SRCAP: variants seen among roughly 807,000 people sequenced by gnomAD.
SRCAP encodes Snf2 related CREBBP activator protein, also known as chromatin remodeling protein SRCAP.
Under a neutral mutation model 263.1 loss-of-function variants are expected in SRCAP, and 46 were observed. That is an observed-to-expected ratio of 0.17 (90% CI 0.14 to 0.22). The LOEUF (loss-of-function observed/expected upper bound fraction) is 0.22, where lower values mean the gene tolerates loss of function less well. SRCAP is among the 10% of genes least tolerant of loss of function. SRCAP has a pLI of 1.00. For synonymous variants in SRCAP, 1,813 were observed against 1,662.1 expected, an observed-to-expected ratio of 1.09 and a Z score of -2.21; for missense variants, 3,695 against 4,181.9, an observed-to-expected ratio of 0.88 and a Z score of 3.21.
chr16:30,712,775 C>G lies in SRCAP; in HGVS notation c.2090C>G (p.Thr697Ser). 1.2e-6 allele frequency: 2 copies of G among 1,614,142 alleles called. No individual in the cohort carries two copies. Among genetic ancestry groups the G allele is most frequent in the African/African-American group, 1.3e-5 (1 of 75,030 alleles). Residue 697 changes from threonine to serine, a missense_variant, in exon 14 of 34, where the codon ACT (threonine) becomes AGT (serine). Physicochemically the swap from Thr to Ser is moderately conservative, Grantham distance 58. This residue lies in a region of SRCAP where 121 missense variants were observed against 330.7 expected (regional missense o/e 0.37). Coordinates refer to ENST00000262518, the MANE Select transcript of SRCAP (RefSeq NM_006662.3). ...KRWCPSFKIL[T>S]YYGAQKERKL... ...TGGTGCCCCAGCTTTAAAATCCTCA[C>G]TTACTATGGAGCCCAGAAAGAGAGG...
chr16:30,725,303 G>A, intron 25 of SRCAP: 1 of 906,150 alleles, frequency 1.1e-6, no homozygotes, highest in Non-Finnish European at 1.5e-6. Context: ...TTACAGGGGT[G>A]AGCCACCACG....
chr16:30,709,970 C>T lies in SRCAP; in HGVS notation c.976C>T (p.Arg326Cys), dbSNP rs1274521648. The change falls in exon 8 of 34, where the codon CGT becomes TGT. Residue 326 changes from arginine to cysteine, a missense_variant. Transcript: ENST00000262518. ...AQRREIELLR[R>C]EGELPLEELL... The stretch of plus-strand genomic sequence containing the variant: ...GAGGCGTGAGATTGAGCTGCTTCGC[C>T]GTGAGGGAGAATTGCCACTGGAAGA... The T allele has an allele frequency of 1.9e-6, 3 of 1,614,032 alleles. No individual in the cohort carries two copies. The highest frequency in any genetic ancestry group is 2.7e-5 in the African/African-American group (2 of 74,896).
Position 30,733,843 on chromosome 16 carries a change from G to A in SRCAP, c.6494+45G>A. ...CACCTTACTTTCCGTTTACTGATGG[G>A]GTTTCCTGGATATATTTGGCTGCTT... On this transcript the variant is annotated intron_variant, in intron 29 of 33. Coordinates refer to ENST00000262518, the MANE Select transcript of SRCAP (RefSeq NM_006662.3). This position sits in a 1 kb window ranked among gnomAD's most constrained non-coding sequence, Gnocchi z 5.3. The A allele has an allele frequency of 6.2e-7, 1 of 1,612,122 alleles. No individual in the cohort carries two copies. Among genetic ancestry groups the A allele is most frequent in the Non-Finnish European group, 8.5e-7 (1 of 1,178,638 alleles).
At chr16:30,704,912 A>G (rs1234023042) in intron 4 of SRCAP, among the ~76,000 whole-genome samples, 1 of 152,182 alleles carries the variant, frequency 6.6e-6, no homozygotes, top group Non-Finnish European at 1.5e-5. Flanking sequence ...ACTGGTTTCT[A>G]TTTATTTCTA....
chr16:30,738,266 A>T lies in SRCAP; in HGVS notation c.8226A>T (p.Pro2742=), dbSNP rs146844239. 1 of 1,609,976 alleles carries T rather than the reference A, an allele frequency of 6.2e-7. No individual in the cohort carries two copies. The highest frequency in any genetic ancestry group is 8.5e-7 in the Non-Finnish European group (1 of 1,177,422). The part of the protein sequence containing the change: ...GQGTGRPGQP[P]GPKVLRKLPG... ...GGACTGGTCGGCCAGGACAACCACC[A>T]GGCCCCAAAGTGCTTCGAAAGCTGC... Residue 2742 remains proline (P), a synonymous_variant, in exon 34 of 34, where the codon CCA becomes CCT. Coordinates refer to ENST00000262518, the MANE Select transcript of SRCAP (RefSeq NM_006662.3).
intron 33 of SRCAP, 123 bp from the exon 34 acceptor site, chr16:30,736,926 A>T: frequency 8.7e-7 from 1 of 1,155,138 alleles, no homozygotes; most frequent in Non-Finnish European, 1.2e-6. Flanking sequence ...TGCTGGCCTT[A>T]ACTTCCCCAA....
rs1196845905 is a variant in SRCAP at position 30,704,135 on chromosome 16, G to T, written c.126G>T (p.Gly42=). ...PASSSSPASS[G]AGGISPQHIA... ...CATCCAGTTCCCCAGCCTCTAGTGG[G>T]GCAGGCGGCATCTCCCCGCAGCACA... The change falls in exon 4 of 34, where the codon GGG becomes GGT. Residue 42 remains glycine (G), a synonymous_variant. Transcript: ENST00000262518. The T allele has an allele frequency of 1.2e-6, 2 of 1,614,044 alleles. No homozygotes were observed. Among genetic ancestry groups the T allele is most frequent in the East Asian group, 2.2e-5 (1 of 44,894 alleles).
chr16:30,700,073 C>G (rs1237621070), intron 2 of SRCAP, 92 bp downstream of exon 2: 1 of 152,152 alleles, frequency 6.6e-6, no homozygotes, highest in Non-Finnish European at 1.5e-5. Context: ...GATTTTCACT[C>G]TAGAGAAGCA....
Position 30,737,693 on chromosome 16 carries a change from A to G in SRCAP, c.7653A>G (p.Ala2551=). 1 of 1,614,174 alleles carries G rather than the reference A, an allele frequency of 6.2e-7. No homozygotes were observed. Among genetic ancestry groups the G allele is most frequent in the Non-Finnish European group, 8.5e-7 (1 of 1,180,040 alleles). The stretch of plus-strand genomic sequence containing the variant: ...TCCCCTTGGGCTTGAGGCCTGAGGC[A>G]GAGCTGTGTGCCCAGGCATTGGCAT... ...TNLPLGLRPE[A]ELCAQALASP... Residue 2551 remains alanine, a synonymous_variant, in exon 34 of 34, where the codon GCA becomes GCG. Transcript: ENST00000262518.
rs1207634249 is a variant in SRCAP at position 30,730,792 on chromosome 16, C to T, written c.6127+1220C>T. Among the ~76,000 whole-genome samples, 9 of 148,996 alleles carry T rather than the reference C, an allele frequency of 6.0e-5. No individual in the cohort carries two copies. The East Asian group carries it at 1.4e-3, about 23-fold the overall frequency. On this transcript the variant is annotated intron_variant, in intron 27 of 33. Transcript: ENST00000262518. The stretch of plus-strand genomic sequence containing the variant: ...AAGGTATTCTCCTGCCTCAGCCTCC[C>T]GAGTAGCTGGGATTACAGGTGCCCA...
chr16:30,733,999 T>C lies in SRCAP; in HGVS notation c.6600T>C (p.Tyr2200=). The part of the protein sequence containing the change: ...AIEGGNFTTA[Y]FKQQTIRELF... ...AGGGAGGCAACTTCACCACAGCCTA[T>C]TTCAAACAGGTACTAAGTAAGATCT... The change falls in exon 30 of 34, where the codon TAT becomes TAC. Residue 2200 remains tyrosine (Y), a synonymous_variant. Coordinates refer to ENST00000262518, the MANE Select transcript of SRCAP (RefSeq NM_006662.3). This position sits in a 1 kb window ranked among gnomAD's most constrained non-coding sequence, Gnocchi z 5.3. 1 of 1,607,488 alleles carries C rather than the reference T, an allele frequency of 6.2e-7. No individual in the cohort carries two copies. Among genetic ancestry groups the C allele is most frequent in the South Asian group, 1.1e-5 (1 of 90,078 alleles).
chr16:30,706,901 T>C (rs1203989921), intron 4 of SRCAP, among the ~76,000 whole-genome samples: 1 of 152,214 alleles, frequency 6.6e-6, no homozygotes, highest in East Asian at 1.9e-4. Context: ...TGAAATTTGC[T>C]GTCTGGAGTC....
intron 6 of SRCAP, 89 bp from the exon 7 acceptor site, chr16:30,709,424 T>A: frequency 7.1e-7 from 1 of 1,398,760 alleles, no homozygotes; most frequent in Non-Finnish European, 1.0e-6. Flanking sequence ...GCCCAGGATC[T>A]GGTTAAAGAA....
At position 30,738,548 on chromosome 16, in the gene SRCAP, T is replaced by G. The variant is rs758398423; in HGVS notation, c.8508T>G (p.Thr2836=). ...GCCGTCACATTGAGCTGGGGGTGAC[T>G]GGTGGTGGCAGCCCCGAGAATGGAG... is the stretch of plus-strand genomic sequence containing the variant. ...IARRHIELGV[T]GGGSPENGDG... The change falls in exon 34 of 34, where the codon ACT becomes ACG. Residue 2836 remains threonine, a synonymous_variant. Transcript: ENST00000262518. 6.1e-5 allele frequency: 99 copies of G among 1,611,434 alleles called. 1 individual carries two copies. In the Admixed American group the frequency reaches 1.6e-3, roughly 27 times the overall value.
chr16:30,721,584 A>G, intron 21 of SRCAP, 108 bp downstream of exon 21: 9 of 1,401,238 alleles, frequency 6.4e-6, no homozygotes, highest in South Asian at 4.2e-5. Flanking sequence ...GCTCATGCCT[A>G]TAATCCCGGT....
At position 30,738,963 on chromosome 16, in the gene SRCAP, C is replaced by A; in HGVS notation, c.8923C>A (p.Leu2975Ile). 6.2e-7 allele frequency: 1 copy of A among 1,613,644 alleles called. No individual in the cohort carries two copies. The highest frequency in any genetic ancestry group is 8.5e-7 in the Non-Finnish European group (1 of 1,179,772). Reference protein sequence around the residue: ...RTQPPPHPSPLTPLPPLLVCP... With the variant: ...RTQPPPHPSPITPLPPLLVCP... The stretch of plus-strand genomic sequence containing the variant: ...ACAGCCACCCCCACACCCATCACCC[C>A]TAACCCCACTCCCACCACTGCTAGT... Residue 2975 changes from leucine to isoleucine, a missense_variant, in exon 34 of 34, where the codon CTA becomes ATA. By Grantham distance (5) the Leu-to-Ile change is conservative (BLOSUM62 2). Coordinates refer to ENST00000262518, the MANE Select transcript of SRCAP (RefSeq NM_006662.3).
At chr16:30,705,218 T>C (rs1417362668) in intron 4 of SRCAP, among the ~76,000 whole-genome samples, 2 of 152,004 alleles carry the variant, frequency 1.3e-5, no homozygotes, top group African/African-American at 4.8e-5. Flanking sequence ...GGGAAATTGC[T>C]TGAACTGGGA....
In SRCAP at chr16:30,711,553, T is replaced by G. The variant is rs1232172795; in HGVS notation, c.1319-18T>G. The stretch of plus-strand genomic sequence containing the variant: ...CCCTCCCCTCAGAGCAACCAAAAGC[T>G]TTTTGTTTCTCTTCCAGGTGAGCTT... On this transcript the variant is annotated intron_variant, in intron 10 of 33. Transcript: ENST00000262518. 6.4e-7 allele frequency: 1 copy of G among 1,567,868 alleles called. No homozygotes were observed. The highest frequency in any genetic ancestry group is 2.2e-5 in the East Asian group (1 of 44,550).
rs1195169550 is a variant in SRCAP, at chr16:30,709,957, T to C, written c.963T>C (p.Ile321=). 3 of 1,614,028 alleles carry C rather than the reference T, an allele frequency of 1.9e-6. No individual in the cohort carries two copies. In the East Asian group the frequency reaches 6.7e-5, roughly 36 times the overall value. ...ATGCAGAGGCCCAGAGGCGTGAGAT[T>C]GAGCTGCTTCGCCGTGAGGGAGAAT... ...GNDAEAQRRE[I]ELLRREGELP... is the part of the protein sequence containing the mutation. The change falls in exon 8 of 34, where the codon ATT becomes ATC. Residue 321 remains isoleucine (I), a synonymous_variant. Transcript: ENST00000262518.
Sources: allele counts gnomAD v4.1 joint callset (sites outside exome capture counted in the v4.1 genomes callset), GRCh38; gene constraint gnomAD v4.1.1; regional missense constraint gnomAD v4.1.1; non-coding constraint Gnocchi (gnomAD v3.1); transcripts MANE v1.5; gene names NCBI Gene and HGNC (gene_info 2026-07-23, HGNC 2026-07-21).